ANKFN1: variants seen among roughly 807,000 people sequenced by gnomAD.
ANKFN1 encodes ankyrin repeat and fibronectin type III domain containing 1.
A neutral mutation model predicts 108.7 loss-of-function variants in ANKFN1; 74 were observed. That is an observed-to-expected ratio of 0.68 (90% CI 0.56 to 0.83). The LOEUF (loss-of-function observed/expected upper bound fraction) is 0.83. Ranked by LOEUF, ANKFN1 falls within the 40% of genes least tolerant of loss-of-function variation. The pLI is 0.00. For synonymous variants in ANKFN1, 547 were observed against 516.2 expected (o/e 1.06, Z -0.81); for missense variants, 1,505 against 1,382.3 (o/e 1.09, Z -1.41).
At chr17:56,492,100 T>C in intron 18 of ANKFN1, 87 bp from the exon 19 acceptor site, 1 of 648,868 alleles carries the variant, frequency 1.5e-6, no homozygotes, top group East Asian at 2.7e-5. Flanking sequence ...AATCATGTTT[T>C]CATTCAACTT....
chr17:56,246,807 C>T (rs1227029972), intron 3 of ANKFN1, among the ~76,000 whole-genome samples: 1 of 151,654 alleles, frequency 6.6e-6, no homozygotes, highest in African/African-American at 2.4e-5. Context: ...TAATCTGGTA[C>T]GTGAATGTTA....
intron 4 of ANKFN1, among the ~76,000 whole-genome samples, chr17:56,055,757 G>C (rs1904866041): frequency 1.3e-5 from 2 of 150,398 alleles, no homozygotes; most frequent in Non-Finnish European, 3.0e-5. Context: ...TAGATTGCTG[G>C]GTTGAATGGT....
chr17:56,450,286 A>G (rs981727567), intron 11 of ANKFN1, among the ~76,000 whole-genome samples: 2 of 152,152 alleles, frequency 1.3e-5, no homozygotes, highest in South Asian at 4.1e-4. Context: ...AAAAATCCAC[A>G]GTTGAAACTA....
chr17:56,315,112 C>G (rs1178896610), intron 3 of ANKFN1, among the ~76,000 whole-genome samples: 6 of 152,174 alleles, frequency 3.9e-5, no homozygotes, highest in African/African-American at 1.4e-4. Flanking sequence ...AAAACAGCCA[C>G]AATTTCTCCT....
At chr17:56,046,937 AT>A (rs1226494699) in intron 4 of ANKFN1, among the ~76,000 whole-genome samples, 2 of 152,200 alleles carry the variant, frequency 1.3e-5, no homozygotes, top group East Asian at 3.9e-4. Context: ...GTATTTCAAC[AT>A]TGACACCTGT....
chr17:56,095,218 A>G (rs540176408), intron 4 of ANKFN1, among the ~76,000 whole-genome samples: 1 of 150,474 alleles, frequency 6.6e-6, no homozygotes, highest in African/African-American at 2.4e-5. Flanking sequence ...CAATGTAACT[A>G]TTTTCAGCCC....
intron 6 of ANKFN1, among the ~76,000 whole-genome samples, chr17:56,362,509 C>G (rs1452091623): frequency 6.6e-6 from 1 of 152,190 alleles, no homozygotes; most frequent in Admixed American, 6.5e-5. Context: ...AGAGAATAGT[C>G]TCTTCAATAT....
At chr17:56,481,794 G>GA (rs144894413) in intron 17 of ANKFN1, among the ~76,000 whole-genome samples, 1 of 151,864 alleles carries the variant, frequency 6.6e-6, no homozygotes. Flanking sequence ...TTCACTAGGA[G>GA]AAAAAAAAGT....
At position 56,160,462 on chromosome 17, in the gene ANKFN1, T is replaced by G. The variant is rs1197172777; in HGVS notation, c.-71+6932T>G. Among the ~76,000 whole-genome samples the G allele has an allele frequency of 2.0e-5, 3 of 152,320 alleles. No homozygotes were observed. The East Asian group carries it at 5.8e-4, about 29-fold the overall frequency. On this transcript the variant is annotated intron_variant, in intron 1 of 20. Transcript: ENST00000682825. ...TTCTTTTTCTTTATTTTCCACTACA[T>G]TCAGCGGTCTGTTTGCTATGGAAAC...
At chr17:56,046,985 TTC>T (rs1904689728) in intron 4 of ANKFN1, among the ~76,000 whole-genome samples, 1 of 152,138 alleles carries the variant, frequency 6.6e-6, no homozygotes, top group East Asian at 1.9e-4. Context: ...TTCCTTTCTT[TTC>T]TTTTTTTTTA....
intron 1 of ANKFN1, among the ~76,000 whole-genome samples, chr17:56,190,429 T>G (rs1405649644): frequency 4.7e-4 from 58 of 123,292 alleles, no homozygotes; most frequent in African/African-American, 1.8e-3. Context: ...TTCTCGTTGG[T>G]TTCAAAGAAC....
At chr17:56,457,730 C>T (rs965178811) in intron 13 of ANKFN1, 133 bp from the exon 14 acceptor site, 12 of 704,124 alleles carry the variant, frequency 1.7e-5, no homozygotes, top group Non-Finnish European at 2.2e-5. Flanking sequence ...AAAGTTGTTT[C>T]GTGTGTGTCT....
chr17:56,291,658 T>G (rs75782679), intron 3 of ANKFN1, among the ~76,000 whole-genome samples: 6,554 of 152,232 alleles, frequency 0.043, 474 homozygotes, highest in African/African-American at 0.15. Context: ...CCTGTAGTTC[T>G]TTGCTGCAGA....
chr17:56,423,503 C>T (rs2048471941), intron 8 of ANKFN1, among the ~76,000 whole-genome samples: 1 of 152,196 alleles, frequency 6.6e-6, no homozygotes, highest in Non-Finnish European at 1.5e-5. Context: ...CATAAACCTT[C>T]AGCATTGCGT....
At chr17:56,332,089 T>G (rs947695308) in intron 4 of ANKFN1, among the ~76,000 whole-genome samples, 2 of 152,060 alleles carry the variant, frequency 1.3e-5, no homozygotes, top group South Asian at 2.1e-4. Context: ...TGTTACTCAG[T>G]CTCTTAGGGT....
At chr17:56,104,659 G>A (rs1439274364) in intron 4 of ANKFN1, among the ~76,000 whole-genome samples, 1 of 152,178 alleles carries the variant, frequency 6.6e-6, no homozygotes, top group Non-Finnish European at 1.5e-5. Flanking sequence ...CAGGTGATTT[G>A]CATGACAAAT....
intron 8 of ANKFN1, among the ~76,000 whole-genome samples, chr17:56,427,236 G>C (rs2048596950): frequency 1.3e-5 from 2 of 152,122 alleles, no homozygotes; most frequent in South Asian, 4.1e-4. Context: ...TCTGTAGTCA[G>C]AAGAGAGAGA....
intron 4 of ANKFN1, among the ~76,000 whole-genome samples, chr17:56,099,121 A>G (rs1370692880): frequency 1.3e-5 from 2 of 152,116 alleles, no homozygotes; most frequent in East Asian, 3.9e-4. Flanking sequence ...CTGTGCACCA[A>G]TTTTCTACCC....
intron 3 of ANKFN1, among the ~76,000 whole-genome samples, chr17:56,261,630 C>T (rs553208592): frequency 6.6e-6 from 1 of 152,244 alleles, no homozygotes; most frequent in South Asian, 2.1e-4. Flanking sequence ...AGCTGAAGAA[C>T]TTGGAGTCCC....
Sources: allele counts gnomAD v4.1 joint callset (sites outside exome capture counted in the v4.1 genomes callset), GRCh38; gene constraint gnomAD v4.1.1; transcripts MANE v1.5; gene names NCBI Gene and HGNC (gene_info 2026-07-23, HGNC 2026-07-21).